Variants in CLEC3B observed in about 807,000 individuals in gnomAD.
The protein encoded by CLEC3B is tetranectin.
In CLEC3B, 13 loss-of-function variants were observed where a neutral mutation model predicts 15.4. That is an observed-to-expected ratio of 0.84 (90% CI 0.55 to 1.34). The LOEUF is 1.34. CLEC3B is among the 40% of genes most tolerant of loss of function. CLEC3B has a pLI of 0.00. For synonymous variants in CLEC3B, 112 were observed against 114.7 expected (o/e 0.98, Z 0.15); for missense variants, 242 against 268.6 (o/e 0.90, Z 0.69).
Position 45,035,715 on chromosome 3 carries a change from G to C in CLEC3B, c.400G>C (p.Gly134Arg). The change falls in exon 3 of 3, where the codon GGC (glycine) becomes CGC (arginine). Residue 134 changes from glycine to arginine, a missense_variant. Coordinates refer to ENST00000296130, the MANE Select transcript of CLEC3B (RefSeq NM_003278.3). ...GGGCAACGAGGCCGAGATCTGGCTG[G>C]GCCTCAACGACATGGCGGCCGAGGG... is the stretch of plus-strand genomic sequence containing the variant. ...SVGNEAEIWL[G>R]LNDMAAEGTW... 6.2e-7 allele frequency: 1 copy of C among 1,613,872 alleles called. No individual in the cohort carries two copies.
rs2301281 is a variant in CLEC3B, at chr3:45,026,332, A to G, written c.-31A>G. ...CTGCGTTCGGACCCAGACCCGCTGC[A>G]GGCAGCAGCAGCCCCCGCCCGCGCA... On this transcript the variant is annotated 5_prime_UTR_variant, in exon 1 of 3. Transcript: ENST00000296130. 1.3e-4 allele frequency: 210 copies of G among 1,575,724 alleles called. 3 individuals are homozygous for G. The East Asian group carries it at 4.7e-3, about 35-fold the overall frequency.
chr3:45,030,733 G>T, intron 1 of CLEC3B, 94 bp from the exon 2 acceptor site: 3 of 802,350 alleles, frequency 3.7e-6, no homozygotes, highest in Non-Finnish European at 6.1e-6. Context: ...TATCAAGGTT[G>T]AGGGGAGTCT....
Position 45,035,971 on chromosome 3 carries a change from C to G in CLEC3B, c.*47C>G. 3 of 1,198,516 alleles carry G rather than the reference C, an allele frequency of 2.5e-6. No homozygotes were observed. The highest frequency in any genetic ancestry group is 2.2e-5 in the Admixed American group (1 of 44,598). 74.2% of individuals were successfully genotyped at this position (1,198,516 alleles called of 1,614,324 possible). A position where few individuals can be genotyped will look rare whatever the true frequency, so the allele number is the denominator to read the frequency against. On this transcript the variant is annotated 3_prime_UTR_variant, in exon 3 of 3. Transcript: ENST00000296130. ...GGGGCCTGGAGGAGGGCAGGGGCCG[C>G]GGGAGGCCGGGAGGAGGGTGGGGAC...
intron 1 of CLEC3B, among the ~76,000 whole-genome samples, chr3:45,029,866 T>A (rs1197739590): frequency 6.6e-6 from 1 of 152,232 alleles, no homozygotes; most frequent in African/African-American, 2.4e-5. Context: ...CTTCCCCTGC[T>A]GACTCTTACA....
chr3:45,034,188 T>A (rs1023707963), intron 2 of CLEC3B, among the ~76,000 whole-genome samples: 3 of 152,094 alleles, frequency 2.0e-5, no homozygotes, highest in African/African-American at 4.8e-5. Flanking sequence ...GAATCCTTCA[T>A]CCCCAACAAA....
At position 45,035,635 on chromosome 3, in the gene CLEC3B, C is replaced by T. The variant is rs760722140; in HGVS notation, c.320C>T (p.Thr107Ile). 4 of 1,614,094 alleles carry T rather than the reference C, an allele frequency of 2.5e-6. No individual in the cohort carries two copies. Among genetic ancestry groups the T allele is most frequent in the Admixed American group, 3.3e-5 (2 of 60,032 alleles). The change falls in exon 3 of 3, where the codon ACC becomes ATC. Residue 107 changes from threonine (T) to isoleucine (I), a missense_variant. By Grantham distance (89) the Thr-to-Ile change is moderately conservative. Transcript: ENST00000296130. ...DCISRGGTLG[T>I]PQTGSENDAL... ...ATCTCGCGCGGGGGCACCCTGGGCA[C>T]CCCTCAGACTGGCTCGGAGAACGAC...
In CLEC3B at chr3:45,030,883, C is replaced by T; in HGVS notation, c.166C>T (p.Gln56Ter). ...CAAGAGCCGTCTGGACACCCTGGCC[C>T]AGGAGGTGGCCCTGCTGAAGGAGCA... ...ELKSRLDTLA[Q>*]EVALLKEQQA... The change falls in exon 2 of 3, where the codon CAG becomes TAG. Residue 56 changes from glutamine (Q) to a stop codon, truncating the protein, a stop_gained. Coordinates refer to ENST00000296130, the MANE Select transcript of CLEC3B (RefSeq NM_003278.3). LOFTEE classifies it low-confidence loss of function (END_TRUNC). 1 of 1,593,786 alleles carries T rather than the reference C, an allele frequency of 6.3e-7. No homozygotes were observed.
At position 45,030,818 on chromosome 3, in the gene CLEC3B, C is replaced by T. The variant is rs1412859867; in HGVS notation, c.110-9C>T. 14 of 1,574,624 alleles carry T rather than the reference C, an allele frequency of 8.9e-6. No individual in the cohort carries two copies. Among genetic ancestry groups the T allele is most frequent in the Non-Finnish European group, 1.1e-5 (13 of 1,158,564 alleles). On this transcript the variant is annotated splice_polypyrimidine_tract_variant and intron_variant, in intron 1 of 2. Coordinates refer to ENST00000296130, the MANE Select transcript of CLEC3B (RefSeq NM_003278.3). ...CTGCCCCACCCTGACATATTTCCTC[C>T]TGCTTCAGATGTTGTGAACACAAAG...
At chr3:45,029,247 C>T (rs896401445) in intron 1 of CLEC3B, among the ~76,000 whole-genome samples, 9 of 152,340 alleles carry the variant, frequency 5.9e-5, no homozygotes, top group Middle Eastern at 3.4e-3. Flanking sequence ...AAGGTACCTC[C>T]TCTAAACTGA....
chr3:45,031,523 G>T (rs1456632918), intron 2 of CLEC3B, among the ~76,000 whole-genome samples: 1 of 152,226 alleles, frequency 6.6e-6, no homozygotes, highest in Non-Finnish European at 1.5e-5. Flanking sequence ...TCACCTCGTT[G>T]GTTAGTTGAC....
At chr3:45,033,685 G>A (rs574811773) in intron 2 of CLEC3B, among the ~76,000 whole-genome samples, 3 of 152,322 alleles carry the variant, frequency 2.0e-5, no homozygotes, top group East Asian at 3.9e-4. Context: ...GAGCAGAGGT[G>A]TGGAGGACTA....
At chr3:45,030,368 CTG>C in intron 1 of CLEC3B, 1 of 290,548 alleles carries the variant, frequency 3.4e-6, no homozygotes, top group Non-Finnish European at 5.2e-6. Flanking sequence ...CCACCCGTGT[CTG>C]TGGCACCTCC....
In CLEC3B at chr3:45,026,466, A is replaced by G; in HGVS notation, c.104A>G (p.Lys35Arg). 6.2e-7 allele frequency: 1 copy of G among 1,614,000 alleles called. No individual in the cohort carries two copies. The highest frequency in any genetic ancestry group is 8.5e-7 in the Non-Finnish European group (1 of 1,179,902). The change falls in exon 1 of 3, where the codon AAG (lysine) becomes AGG (arginine). Residue 35 changes from lysine (K) to arginine (R), a missense_variant. Coordinates refer to ENST00000296130, the MANE Select transcript of CLEC3B (RefSeq NM_003278.3). ...AAGCCCAAGAAGATTGTAAATGCCA[A>G]GAAAGGTAAGGAGGGGGACAGAGCC... is the stretch of plus-strand genomic sequence containing the variant. ...TQKPKKIVNAKKDVVNTKMFE... is the reference protein window; with the variant it reads ...TQKPKKIVNARKDVVNTKMFE...
chr3:45,034,749 G>A (rs892520979), intron 2 of CLEC3B, among the ~76,000 whole-genome samples: 1 of 152,172 alleles, frequency 6.6e-6, no homozygotes, highest in African/African-American at 2.4e-5. Context: ...TTGCCTGATC[G>A]CCGGCCTCTG....
chr3:45,032,012 A>T (rs1219508552), intron 2 of CLEC3B, among the ~76,000 whole-genome samples: 4 of 151,672 alleles, frequency 2.6e-5, no homozygotes, highest in Non-Finnish European at 5.9e-5. Flanking sequence ...CTTATTTTCC[A>T]CCGAGAAGGA....
intron 2 of CLEC3B, among the ~76,000 whole-genome samples, chr3:45,032,519 T>TGTGTATCCTCATTTCCTA (rs1697573392): frequency 1.3e-5 from 2 of 152,346 alleles, no homozygotes; most frequent in South Asian, 4.1e-4. Flanking sequence ...TCCTGATTTG[T>TGTGTATCCTCATTTCCTA]GTCTGCTGCC....
Position 45,026,506 on chromosome 3 carries a change from A to G in CLEC3B, c.109+35A>G, listed in dbSNP as rs751572880. On this transcript the variant is annotated intron_variant, in intron 1 of 2. Transcript: ENST00000296130. ...GGGACAGAGCCCTGTGCCATCTTCCAGGGAGCAGGTCCCCCTCTCCTTAGT... is the reference window on the plus strand; with the variant it reads ...GGGACAGAGCCCTGTGCCATCTTCCGGGGAGCAGGTCCCCCTCTCCTTAGT... The G allele has an allele frequency of 3.2e-6, 5 of 1,572,890 alleles. No homozygotes were observed. In the African/African-American group the frequency reaches 4.1e-5, roughly 13 times the overall value.
At chr3:45,035,165 G>A (rs1018305892) in intron 2 of CLEC3B, among the ~76,000 whole-genome samples, 2 of 152,228 alleles carry the variant, frequency 1.3e-5, no homozygotes, top group African/African-American at 4.8e-5. Context: ...CACCAGGCCA[G>A]CCTCTGTGAC....
chr3:45,028,372 A>G (rs1377493969), intron 1 of CLEC3B, among the ~76,000 whole-genome samples: 2 of 152,210 alleles, frequency 1.3e-5, no homozygotes, highest in Non-Finnish European at 2.9e-5. Context: ...TCTGGCCAAC[A>G]TGGTGAAACC....
Sources: gnomAD v4.1 joint callset for allele counts (sites outside exome capture counted in the v4.1 genomes callset) on GRCh38, gnomAD v4.1.1 for gene constraint, MANE v1.5 for transcripts, NCBI Gene and HGNC (gene_info 2026-07-23, HGNC 2026-07-21) for gene names.